Variants in TMPRSS12 observed in about 807,000 individuals in gnomAD.
TMPRSS12 encodes transmembrane serine protease 12, also known as transmembrane protease serine 12.
Under a neutral mutation model 26.0 loss-of-function variants are expected in TMPRSS12, and 25 were observed. The observed-to-expected ratio is 0.96, with a 90% CI of 0.70 to 1.34. The LOEUF is 1.34. TMPRSS12 is among the 40% of genes most tolerant of loss of function. TMPRSS12 has a pLI of 0.00. For missense variants in TMPRSS12, 441 were observed against 440.1 expected, an observed-to-expected ratio of 1.00 and a Z score of -0.02; for synonymous variants, 150 against 161.7, an observed-to-expected ratio of 0.93 and a Z score of 0.55.
chr12:50,843,901 G>A lies in TMPRSS12; in HGVS notation c.247G>A (p.Glu83Lys), dbSNP rs375889456. ...LQGSRIIGGT[E>K]AQAGAWPWVV... ...AGGGTCTCGGATTATAGGGGGCACC[G>A]AAGCACAAGCTGGCGCATGGCCGTG... Residue 83 changes from glutamate (E) to lysine (K), a missense_variant, in exon 2 of 5, where the codon GAA (glutamate) becomes AAA (lysine). Coordinates refer to ENST00000398458, the MANE Select transcript of TMPRSS12 (RefSeq NM_182559.3). 5.1e-6 allele frequency: 8 copies of A among 1,576,386 alleles called. No individual in the cohort carries two copies. The highest frequency in any genetic ancestry group is 2.3e-5 in the East Asian group (1 of 43,290).
chr12:50,872,863 A>AT (rs1555206492), intron 3 of TMPRSS12, among the ~76,000 whole-genome samples: 3 of 39,610 alleles, frequency 7.6e-5, no homozygotes, highest in South Asian at 1.8e-3. Flanking sequence ...CATATATATG[A>AT]CTATATATGT....
chr12:50,878,393 G>T (rs1297434184), intron 3 of TMPRSS12, among the ~76,000 whole-genome samples: 3 of 151,264 alleles, frequency 2.0e-5, no homozygotes, highest in African/African-American at 7.3e-5. Flanking sequence ...ACCAGCCTGC[G>T]CAATACGGTG....
intron 2 of TMPRSS12, among the ~76,000 whole-genome samples, chr12:50,847,377 T>C (rs1484008346): frequency 6.6e-6 from 1 of 152,020 alleles, no homozygotes; most frequent in Non-Finnish European, 1.5e-5. Context: ...CTTTAAAAAG[T>C]TTACAGTCTA....
intron 4 of TMPRSS12, 85 bp from the exon 5 acceptor site, chr12:50,887,177 T>C: frequency 7.6e-7 from 1 of 1,322,010 alleles, no homozygotes; most frequent in Non-Finnish European, 1.0e-6. Flanking sequence ...TAAATGTATG[T>C]TTGATGTAAA....
Position 50,860,389 on chromosome 12 carries a change from G to GC in TMPRSS12, c.652+1339dup, listed in dbSNP as rs753017222. Among the ~76,000 whole-genome samples, 54 of 151,976 alleles carry GC rather than the reference G, an allele frequency of 3.6e-4. 1 individual carries two copies. Among genetic ancestry groups the GC allele is most frequent in the Non-Finnish European group, 2.9e-5 (2 of 67,990 alleles). ...TTTGGGAGCATTTACCATGTTTCAG[G>GC]CCCTGTTTCTGTTCTTGTTGTTATT... On this transcript the variant is annotated intron_variant, in intron 3 of 4. Transcript: ENST00000398458.
At chr12:50,867,359 T>C (rs770624445) in intron 3 of TMPRSS12, among the ~76,000 whole-genome samples, 6 of 152,172 alleles carry the variant, frequency 3.9e-5, no homozygotes, top group Non-Finnish European at 8.8e-5. Flanking sequence ...TGCAATAGAA[T>C]TGAGCAAATA....
chr12:50,846,671 C>T (rs1032348162), intron 2 of TMPRSS12, among the ~76,000 whole-genome samples: 1 of 152,088 alleles, frequency 6.6e-6, no homozygotes. Flanking sequence ...CTCCACCTCC[C>T]AGGCTCAGGT....
chr12:50,882,416 A>G (rs1168700565), intron 3 of TMPRSS12, among the ~76,000 whole-genome samples: 1 of 152,006 alleles, frequency 6.6e-6, no homozygotes, highest in African/African-American at 2.4e-5. Flanking sequence ...AAGCAGAAAA[A>G]AAGACATAAA....
At chr12:50,874,550 TAAG>T (rs1437149216) in intron 3 of TMPRSS12, among the ~76,000 whole-genome samples, 6 of 152,000 alleles carry the variant, frequency 3.9e-5, no homozygotes, top group Non-Finnish European at 5.9e-5. Context: ...GAAATAGCAA[TAAG>T]AAGTCCTAGC....
At chr12:50,869,488 C>T (rs372687512) in intron 3 of TMPRSS12, among the ~76,000 whole-genome samples, 6 of 152,108 alleles carry the variant, frequency 3.9e-5, no homozygotes, top group East Asian at 1.9e-4. Flanking sequence ...TAAAAAGTAG[C>T]GAGATTGAAA....
rs1159252167 is a variant in TMPRSS12, at chr12:50,843,876, AG to A, written c.225del (p.Ser76LeufsTer4). ...GTAPLKDVLQ[G>X]SRIIGGTEAQ... ...CAGCACCGCTTAAGGATGTGTTGCA[AG>A]GGTCTCGGATTATAGGGGGCACCGA... On this transcript the variant is annotated frameshift_variant, in exon 2 of 5. Transcript: ENST00000398458. LOFTEE classifies it high-confidence loss of function. The A allele has an allele frequency of 1.0e-5, 16 of 1,562,600 alleles. No homozygotes were observed. Among genetic ancestry groups the A allele is most frequent in the Non-Finnish European group, 1.4e-5 (16 of 1,153,238 alleles).
chr12:50,851,625 G>A (rs77980652), intron 2 of TMPRSS12, among the ~76,000 whole-genome samples: 10,928 of 152,210 alleles, frequency 0.072, 436 homozygotes, highest in Middle Eastern at 0.12. Flanking sequence ...ACCTATTTGA[G>A]GATACTGTCC....
In TMPRSS12 at chr12:50,843,133, G is replaced by A. The variant is rs1326270802; in HGVS notation, c.169G>A (p.Gly57Arg). 1.5e-5 allele frequency: 24 copies of A among 1,569,642 alleles called. No homozygotes were observed. Among genetic ancestry groups the A allele is most frequent in the Non-Finnish European group, 1.9e-5 (22 of 1,156,882 alleles). ...CAAGAGGCTCCGGCGGCGGAGGGAG[G>A]GAGGGGCGCATGCAGAGGGCAGTAC... ...VRKRLRRRRE[G>R]GAHAEDCGTA... The change falls in exon 1 of 5, where the codon GGA becomes AGA. Residue 57 changes from glycine to arginine, a missense_variant. Transcript: ENST00000398458.
Position 50,858,809 on chromosome 12 carries a change from G to A in TMPRSS12, c.408G>A (p.Val136=). The A allele has an allele frequency of 6.3e-7, 1 of 1,599,576 alleles. No individual in the cohort carries two copies. Among genetic ancestry groups the A allele is most frequent in the Non-Finnish European group, 8.5e-7 (1 of 1,174,454 alleles). ...GCGATCCTTTAATGTGGACAGCTGT[G>A]ATTGGAACTAATAATATACATGGAC... ...DASDPLMWTA[V]IGTNNIHGRY... is the part of the protein sequence containing the mutation. The change falls in exon 3 of 5, where the codon GTG becomes GTA. Residue 136 remains valine (V), a synonymous_variant. Transcript: ENST00000398458.
intron 3 of TMPRSS12, among the ~76,000 whole-genome samples, chr12:50,870,468 A>G (rs1164840069): frequency 6.6e-6 from 1 of 152,222 alleles, no homozygotes; most frequent in Non-Finnish European, 1.5e-5. Context: ...AATAAAAGCC[A>G]TCTATGACAA....
At position 50,878,041 on chromosome 12, in the gene TMPRSS12, C is replaced by T. The variant is rs528002708; in HGVS notation, c.653-7205C>T. ...GACTTAAACTAAATGGAGACTCATACTGCATTCATGGGTTAGAAGACTCAA... is the reference window on the plus strand; with the variant it reads ...GACTTAAACTAAATGGAGACTCATATTGCATTCATGGGTTAGAAGACTCAA... On this transcript the variant is annotated intron_variant, in intron 3 of 4. Transcript: ENST00000398458. 2.6e-4 allele frequency among the ~76,000 whole-genome samples: 40 copies of T among 152,260 alleles called. No individual in the cohort carries two copies. In the South Asian group the frequency reaches 8.1e-3, roughly 31 times the overall value.
rs753184742 is a variant in TMPRSS12, at chr12:50,843,076, G to C, written c.112G>C (p.Ala38Pro). 3 of 1,588,118 alleles carry C rather than the reference G, an allele frequency of 1.9e-6. No homozygotes were observed. In the South Asian group the frequency reaches 3.4e-5, roughly 18 times the overall value. ...RHRLGPSPEPAASSQQAEAVR... is the reference protein window; with the variant it reads ...RHRLGPSPEPPASSQQAEAVR... ...CAGGCTCGGCCCCTCGCCGGAACCG[G>C]CGGCTAGTTCCCAGCAGGCTGAGGC... The change falls in exon 1 of 5, where the codon GCG (alanine) becomes CCG (proline). Residue 38 changes from alanine (A) to proline (P), a missense_variant. Ala to Pro is a conservative substitution (Grantham distance 27). Coordinates refer to ENST00000398458, the MANE Select transcript of TMPRSS12 (RefSeq NM_182559.3).
At chr12:50,886,757 C>T (rs1023723617) in intron 4 of TMPRSS12, 2 of 153,684 alleles carry the variant, frequency 1.3e-5, no homozygotes, top group African/African-American at 4.8e-5. Flanking sequence ...TTTTCCTGCA[C>T]TAGCTATTGT....
At position 50,872,979 on chromosome 12, in the gene TMPRSS12, T is replaced by C. The variant is rs910796765; in HGVS notation, c.653-12267T>C. On this transcript the variant is annotated intron_variant, in intron 3 of 4. Coordinates refer to ENST00000398458, the MANE Select transcript of TMPRSS12 (RefSeq NM_182559.3). ...TATATATATGTACATATATATGACG[T>C]ATATATATGATGGAATACTACTCAG... Among the ~76,000 whole-genome samples, 31 of 148,628 alleles carry C rather than the reference T, an allele frequency of 2.1e-4. 1 individual carries two copies. The highest frequency in any genetic ancestry group is 7.0e-4 in the African/African-American group (28 of 39,956).
Sources: allele counts gnomAD v4.1 joint callset (sites outside exome capture counted in the v4.1 genomes callset), GRCh38; gene constraint gnomAD v4.1.1; transcripts MANE v1.5; gene names NCBI Gene and HGNC (gene_info 2026-07-23, HGNC 2026-07-21).